PRTG: variants seen among roughly 807,000 people sequenced by gnomAD.
PRTG encodes immunoglobulin superfamily, DCC subclass, member 5.
In PRTG, 67 loss-of-function variants were observed where a neutral mutation model predicts 122.5. The observed-to-expected ratio is 0.55, with a 90% CI of 0.45 to 0.67. The LOEUF (loss-of-function observed/expected upper bound fraction) is 0.67. Among genes scored for constraint, PRTG ranks in the 30% least tolerant of loss-of-function variants. The pLI is 0.00. For missense variants in PRTG, 1,435 were observed against 1,415.4 expected (o/e 1.01, Z -0.22); for synonymous variants, 554 against 501.1 (o/e 1.11, Z -1.41).
chr15:55,626,782 GA>G (rs1229563859), intron 17 of PRTG, among the ~76,000 whole-genome samples: 2 of 149,698 alleles, frequency 1.3e-5, no homozygotes, highest in Admixed American at 6.7e-5. Context: ...AAAGAAAAAA[GA>G]AAAAAAAAGA....
chr15:55,704,666 G>T (rs2030020766), intron 2 of PRTG, among the ~76,000 whole-genome samples: 1 of 152,078 alleles, frequency 6.6e-6, no homozygotes, highest in Admixed American at 6.5e-5. Flanking sequence ...CTAAATGCCT[G>T]TTATGCCACA....
intron 2 of PRTG, among the ~76,000 whole-genome samples, chr15:55,708,242 G>A (rs1170196603): frequency 6.6e-6 from 1 of 150,842 alleles, no homozygotes; most frequent in South Asian, 2.1e-4. Flanking sequence ...CAGATAAAGG[G>A]AAAAACATCA....
Position 55,672,300 on chromosome 15 carries a change from CA to C in PRTG, c.2041+144del, listed in dbSNP as rs1275243076. ...GTCAAAGACCAATCACTGACTTCAGCAGTAGCATATACACACTGACATAGTA... is the reference window on the plus strand; with the variant it reads ...GTCAAAGACCAATCACTGACTTCAGCGTAGCATATACACACTGACATAGTA... On this transcript the variant is annotated intron_variant, in intron 11 of 19. Transcript: ENST00000389286. 9 of 630,068 alleles carry C rather than the reference CA, an allele frequency of 1.4e-5. 1 individual carries two copies. Among genetic ancestry groups the C allele is most frequent in the Non-Finnish European group, 2.4e-5 (9 of 369,800 alleles). The allele number at this position is 630,068 out of a possible 1,614,324, so 39.0% of individuals were successfully genotyped here. A position where few individuals can be genotyped will look rare whatever the true frequency, so the allele number is the denominator to read the frequency against.
chr15:55,656,422 G>A, intron 11 of PRTG: 1 of 433,206 alleles, frequency 2.3e-6, no homozygotes, highest in Non-Finnish European at 4.5e-6. Flanking sequence ...CTTTATAAAG[G>A]AAAATAAAAA....
chr15:55,668,452 G>C (rs543006130), intron 11 of PRTG, among the ~76,000 whole-genome samples: 20 of 152,198 alleles, frequency 1.3e-4, no homozygotes, highest in African/African-American at 4.6e-4. Flanking sequence ...TCAATTATCA[G>C]GGAACAAAAG....
chr15:55,677,739 A>G, intron 8 of PRTG, 58 bp downstream of exon 8: 3 of 1,558,594 alleles, frequency 1.9e-6, no homozygotes, highest in Non-Finnish European at 2.6e-6. Context: ...ATTCGTACTG[A>G]AAACAAATCC....
chr15:55,738,299 C>T (rs910953498), intron 2 of PRTG: 22 of 417,582 alleles, frequency 5.3e-5, no homozygotes, highest in African/African-American at 4.5e-4. Flanking sequence ...CCAGTTCTGA[C>T]ATTTTGTTTG....
In PRTG at chr15:55,619,603, A is replaced by G. The variant is rs1379120789; in HGVS notation, c.*409T>C. ...TGCCGGGAGGCAAACTGAGGTAGAT[A>G]GTCAGCAAAGGGGCTTTCAAAAGTC... On this transcript the variant is annotated 3_prime_UTR_variant, in exon 20 of 20. Coordinates refer to ENST00000389286, the MANE Select transcript of PRTG (RefSeq NM_173814.6). The G allele has an allele frequency of 1.1e-5, 2 of 174,976 alleles. No individual in the cohort carries two copies. The highest frequency in any genetic ancestry group is 1.1e-4 in the Admixed American group (2 of 18,140). 10.8% of individuals were successfully genotyped at this position (174,976 alleles called of 1,614,324 possible).
At chr15:55,670,902 A>AACACACAC (rs59455199) in intron 11 of PRTG, among the ~76,000 whole-genome samples, 19 of 143,914 alleles carry the variant, frequency 1.3e-4, no homozygotes, top group African/African-American at 4.7e-4. Flanking sequence ...CTCCGTCACA[A>AACACACAC]ACACACACAC....
At chr15:55,663,723 G>A (rs1426600222) in intron 11 of PRTG, among the ~76,000 whole-genome samples, 1 of 151,952 alleles carries the variant, frequency 6.6e-6, no homozygotes, top group Non-Finnish European at 1.5e-5. Flanking sequence ...TGTATTTTTA[G>A]TAGAGACAGG....
intron 12 of PRTG, among the ~76,000 whole-genome samples, 185 bp downstream of exon 12, chr15:55,640,928 G>T (rs1345093051): frequency 6.6e-6 from 1 of 151,646 alleles, no homozygotes; most frequent in Non-Finnish European, 1.5e-5. Context: ...TGAGGCAGGA[G>T]AATCGCTTGA....
chr15:55,671,204 A>C (rs7167185), intron 11 of PRTG, among the ~76,000 whole-genome samples: 1 of 152,170 alleles, frequency 6.6e-6, no homozygotes, highest in African/African-American at 2.4e-5. Flanking sequence ...CTGTGCTACC[A>C]TGAGTCCAGG....
chr15:55,631,163 A>G (rs1362734706), intron 15 of PRTG, among the ~76,000 whole-genome samples: 1 of 152,186 alleles, frequency 6.6e-6, no homozygotes, highest in Non-Finnish European at 1.5e-5. Context: ...CAACTGTTCA[A>G]TAAACAAAGT....
intron 2 of PRTG, among the ~76,000 whole-genome samples, chr15:55,691,453 A>T (rs958949332): frequency 6.6e-6 from 1 of 151,988 alleles, no homozygotes; most frequent in South Asian, 2.1e-4. Context: ...GAGGCCAAGG[A>T]GGGTGGATCA....
chr15:55,671,558 G>A (rs555214928), intron 11 of PRTG, among the ~76,000 whole-genome samples: 4 of 152,014 alleles, frequency 2.6e-5, no homozygotes, highest in African/African-American at 9.7e-5. Flanking sequence ...GTAGTGGCGC[G>A]ATCTTCCTTG....
intron 2 of PRTG, among the ~76,000 whole-genome samples, chr15:55,701,178 A>T (rs1489911748): frequency 6.6e-6 from 1 of 152,212 alleles, no homozygotes; most frequent in Non-Finnish European, 1.5e-5. Context: ...GGTGGGATGC[A>T]AACTGGTACT....
intron 3 of PRTG, among the ~76,000 whole-genome samples, 153 bp downstream of exon 3, chr15:55,683,634 C>T (rs1253261986): frequency 6.6e-6 from 1 of 152,162 alleles, no homozygotes; most frequent in African/African-American, 2.4e-5. Context: ...GACTGATGAT[C>T]TAATTCTTTG....
At chr15:55,661,672 T>A (rs766297616) in intron 11 of PRTG, among the ~76,000 whole-genome samples, 1 of 152,172 alleles carries the variant, frequency 6.6e-6, no homozygotes, top group Non-Finnish European at 1.5e-5. Context: ...CTTCTCCACA[T>A]GAACTGCTTT....
chr15:55,730,305 T>C (rs1294876530), intron 2 of PRTG, among the ~76,000 whole-genome samples: 1 of 152,046 alleles, frequency 6.6e-6, no homozygotes, highest in African/African-American at 2.4e-5. Context: ...TTTCACCACG[T>C]TTGCCAGGCT....
Sources: allele counts gnomAD v4.1 joint callset (sites outside exome capture counted in the v4.1 genomes callset), GRCh38; gene constraint gnomAD v4.1.1; transcripts MANE v1.5; gene names NCBI Gene and HGNC (gene_info 2026-07-23, HGNC 2026-07-21).